VWA3B: variants seen among roughly 807,000 people sequenced by gnomAD.
VWA3B encodes the protein von Willebrand factor A domain containing 3B, also known as von Willebrand factor A domain-containing protein 3B.
Under a neutral mutation model 158.3 loss-of-function variants are expected in VWA3B, and 138 were observed. The observed-to-expected ratio is 0.87, with a 90% CI of 0.76 to 1.00. VWA3B has a LOEUF of 1.00. Ranked by LOEUF, VWA3B falls within the 50% of genes least tolerant of loss-of-function variation. The probability of loss-of-function intolerance (pLI) is 0.00; values close to 1 mark genes in which losing one functional copy is unlikely to be tolerated. For missense variants in VWA3B, 1,555 were observed against 1,565.1 expected (o/e 0.99, Z 0.11); for synonymous variants, 596 against 587.3 (o/e 1.01, Z -0.21).
At chr2:98,092,414 G>A (rs557802426) in intron 1 of VWA3B, among the ~76,000 whole-genome samples, 1 of 152,218 alleles carries the variant, frequency 6.6e-6, no homozygotes, top group African/African-American at 2.4e-5. Context: ...GGAGGCCAAG[G>A]CGGGCGGATC....
intron 7 of VWA3B, among the ~76,000 whole-genome samples, chr2:98,148,377 G>C (rs1677343964): frequency 6.6e-6 from 1 of 152,160 alleles, no homozygotes; most frequent in Non-Finnish European, 1.5e-5. Context: ...TTTGTAAACT[G>C]CCTGTTTGTC....
chr2:98,109,249 C>A (rs1455853657), intron 2 of VWA3B, among the ~76,000 whole-genome samples: 12 of 152,138 alleles, frequency 7.9e-5, no homozygotes, highest in Admixed American at 7.9e-4. Context: ...ACCTTGGCCT[C>A]CCAAAGTGCT....
At chr2:98,286,849 T>A (rs1022017697) in intron 22 of VWA3B, among the ~76,000 whole-genome samples, 1 of 152,068 alleles carries the variant, frequency 6.6e-6, no homozygotes, top group Admixed American at 6.6e-5. Context: ...TCTTTTCAGT[T>A]CTCCAGCCAG....
At chr2:98,147,933 G>C (rs997261489) in intron 7 of VWA3B, among the ~76,000 whole-genome samples, 3 of 139,526 alleles carry the variant, frequency 2.2e-5, no homozygotes, top group Admixed American at 1.7e-4. Context: ...TCCCTATTCA[G>C]TTCCCTATGA....
At chr2:98,103,534 A>T (rs1683229838) in intron 2 of VWA3B, among the ~76,000 whole-genome samples, 1 of 152,082 alleles carries the variant, frequency 6.6e-6, no homozygotes, top group Non-Finnish European at 1.5e-5. Context: ...TTTCTTGAAT[A>T]CACTTTAAAA....
intron 15 of VWA3B, 100 bp downstream of exon 15, chr2:98,228,432 C>A: frequency 1.4e-6 from 2 of 1,405,814 alleles, no homozygotes; most frequent in African/African-American, 2.9e-5. Flanking sequence ...TGTGAAATTT[C>A]TTTTAGTGAA....
At chr2:98,108,288 G>C (rs1207463517) in intron 2 of VWA3B, among the ~76,000 whole-genome samples, 1 of 152,094 alleles carries the variant, frequency 6.6e-6, no homozygotes, top group Non-Finnish European at 1.5e-5. Flanking sequence ...TATGTGCTTT[G>C]TTTTGTACAT....
chr2:98,232,171 T>C (rs886482920), intron 16 of VWA3B, among the ~76,000 whole-genome samples: 5 of 152,248 alleles, frequency 3.3e-5, no homozygotes, highest in Admixed American at 2.0e-4. Flanking sequence ...GTAATGGTTT[T>C]AAGGATATTG....
rs751482674 is a variant in VWA3B, at chr2:98,093,209, G to C, written c.117G>C (p.Trp39Cys). ...AGAGTCTCATTTCATCTGAGAAATG[G>C]CTTCAACTGCATGGGCTTAAGAGCA... ...AEQSLISSEK[W>C]LQLHGLKSNK... The change falls in exon 2 of 28, where the codon TGG (tryptophan) becomes TGC (cysteine). Residue 39 changes from tryptophan to cysteine, a missense_variant. By Grantham distance (215) the Trp-to-Cys change is radical. Transcript: ENST00000477737. 1.2e-6 allele frequency: 2 copies of C among 1,614,134 alleles called. No homozygotes were observed. The highest frequency in any genetic ancestry group is 1.1e-5 in the South Asian group (1 of 91,076).
At chr2:98,147,579 C>T (rs185160317) in intron 7 of VWA3B, among the ~76,000 whole-genome samples, 113 of 152,230 alleles carry the variant, frequency 7.4e-4, no homozygotes, top group African/African-American at 2.7e-3. Context: ...TCAAATACTT[C>T]ATTAAAGTTC....
chr2:98,155,679 A>G (rs570146240), intron 7 of VWA3B, among the ~76,000 whole-genome samples: 19 of 152,298 alleles, frequency 1.2e-4, no homozygotes, highest in Admixed American at 5.2e-4. Flanking sequence ...CCATTATAAC[A>G]TACATCTAAA....
At chr2:98,190,232 G>A (rs1254458521) in intron 10 of VWA3B, among the ~76,000 whole-genome samples, 1 of 151,808 alleles carries the variant, frequency 6.6e-6, no homozygotes, top group Non-Finnish European at 1.5e-5. Context: ...TGGCTATTTA[G>A]GATTTACAAT....
chr2:98,158,776 T>C (rs1316281049), intron 7 of VWA3B, among the ~76,000 whole-genome samples: 1 of 151,922 alleles, frequency 6.6e-6, no homozygotes. Flanking sequence ...AGCGGAGGGC[T>C]CAGTCCTCTG....
chr2:98,228,571 G>A (rs1471160939), intron 15 of VWA3B, among the ~76,000 whole-genome samples: 1 of 152,152 alleles, frequency 6.6e-6, no homozygotes, highest in Non-Finnish European at 1.5e-5. Flanking sequence ...ACGCTGTGTG[G>A]ACGGGCCCCC....
chr2:98,328,422 G>A, the VWA3B span, among the ~76,000 whole-genome samples: 38 of 152,080 alleles, frequency 2.5e-4, no homozygotes, highest in Non-Finnish European at 5.1e-4. Flanking sequence ...ATATTTGCTA[G>A]GTCATAATTA....
rs778704006 is a variant in VWA3B, at chr2:98,181,062, C to G, written c.1161C>G (p.Thr387=). The G allele has an allele frequency of 1.9e-6, 3 of 1,614,080 alleles. No homozygotes were observed. Among genetic ancestry groups the G allele is most frequent in the African/African-American group, 2.7e-5 (2 of 74,918 alleles). The part of the protein sequence containing the change: ...SVEIASNPED[T]WDSKTWLQKY... ...AGATTGCATCGAATCCAGAAGACAC[C>G]TGGGACTCTAAGACATGGCTGCAGA... The change falls in exon 9 of 28, where the codon ACC becomes ACG. Residue 387 remains threonine, a synonymous_variant. Transcript: ENST00000477737.
At chr2:98,229,611 T>C (rs893334964) in intron 15 of VWA3B, among the ~76,000 whole-genome samples, 1 of 152,192 alleles carries the variant, frequency 6.6e-6, no homozygotes, top group Non-Finnish European at 1.5e-5. Flanking sequence ...CTTTTATAAG[T>C]GCTTGCTGGT....
At chr2:98,149,495 C>T (rs1362270696) in intron 7 of VWA3B, among the ~76,000 whole-genome samples, 1 of 152,202 alleles carries the variant, frequency 6.6e-6, no homozygotes, top group Non-Finnish European at 1.5e-5. Flanking sequence ...AAGTAGTGGC[C>T]TGCAGTCAGT....
Position 98,123,265 on chromosome 2 carries a change from A to T in VWA3B, c.702+1807A>T, listed in dbSNP as rs117849822. On this transcript the variant is annotated intron_variant, in intron 5 of 27. Coordinates refer to ENST00000477737, the MANE Select transcript of VWA3B (RefSeq NM_144992.5). ...ATAAACACCTAGACTGTTCCTACTG[A>T]TGACAGCCTGCTGCAAGTTAGCATC... Among the ~76,000 whole-genome samples, 230 of 152,320 alleles carry T rather than the reference A, an allele frequency of 1.5e-3. 4 individuals carry two copies. In the East Asian group the frequency reaches 0.035, roughly 23 times the overall value.
Sources: gnomAD v4.1 joint callset for allele counts (sites outside exome capture counted in the v4.1 genomes callset) on GRCh38, gnomAD v4.1.1 for gene constraint, MANE v1.5 for transcripts, NCBI Gene and HGNC (gene_info 2026-07-23, HGNC 2026-07-21) for gene names.